Variants in SPATA13 observed in about 807,000 individuals in gnomAD.
The protein encoded by SPATA13 is spermatogenesis-associated protein 13.
Under a neutral mutation model 104.0 loss-of-function variants are expected in SPATA13, and 50 were observed. The ratio of observed to expected loss-of-function variants is 0.48; its 90% CI spans 0.38 to 0.61. SPATA13 has a LOEUF of 0.61. Among genes scored for constraint, SPATA13 ranks in the 20% least tolerant of loss-of-function variants. SPATA13 has a pLI of 0.00. For missense variants in SPATA13, 1,524 were observed against 1,690.6 expected (o/e 0.90, Z 1.73); for synonymous variants, 606 against 667.5 (o/e 0.91, Z 1.42).
chr13:24,032,835 C>T (rs947718652), intron 3 of SPATA13, among the ~76,000 whole-genome samples: 1 of 152,180 alleles, frequency 6.6e-6, no homozygotes, highest in Admixed American at 6.5e-5. Context: ...TTTATTCTTA[C>T]AGTTCAGTTT....
rs375204400 is a variant in SPATA13, at chr13:24,071,734, AG to A, written c.-112+54036del. Among the ~76,000 whole-genome samples, 12 of 152,310 alleles carry A rather than the reference AG, an allele frequency of 7.9e-5. No homozygotes were observed. The East Asian group carries it at 1.5e-3, about 20-fold the overall frequency. ...AACATTTTTCATTGTATTCTAAGTA[AG>A]GGCATTTAGTGAGGAGGAGGCTCTT... On this transcript the variant is annotated intron_variant, in intron 3 of 14. Coordinates refer to the SPATA13 transcript ENST00000424834.
At chr13:24,280,163 C>T (rs1352290776) in intron 4 of SPATA13, among the ~76,000 whole-genome samples, 1 of 152,150 alleles carries the variant, frequency 6.6e-6, no homozygotes, top group East Asian at 1.9e-4. Flanking sequence ...AGGTGCGTAC[C>T]ACGACCCCGG....
chr13:24,047,485 T>C (rs977591435), intron 3 of SPATA13, among the ~76,000 whole-genome samples: 1 of 152,246 alleles, frequency 6.6e-6, no homozygotes, highest in African/African-American at 2.4e-5. Flanking sequence ...TTACCGTCTT[T>C]GTTTTAAAGT....
intron 1 of SPATA13, among the ~76,000 whole-genome samples, chr13:24,188,119 T>C (rs1356285311): frequency 2.6e-5 from 4 of 151,620 alleles, no homozygotes; most frequent in African/African-American, 9.8e-5. Flanking sequence ...GGCGGGCAGA[T>C]TGCCTGAGCT....
chr13:24,079,236 G>A (rs1879429091), intron 3 of SPATA13, among the ~76,000 whole-genome samples: 1 of 152,224 alleles, frequency 6.6e-6, no homozygotes, highest in Non-Finnish European at 1.5e-5. Flanking sequence ...GTGTGAAGTA[G>A]AACTGGAGAT....
chr13:24,019,279 G>C (rs1566074562), intron 3 of SPATA13, among the ~76,000 whole-genome samples: 1 of 151,392 alleles, frequency 6.6e-6, no homozygotes. Flanking sequence ...TAGTAGAGAC[G>C]GGGTTTCACC....
Position 24,305,110 on chromosome 13 carries a change from T to C in SPATA13, c.*2337T>C, listed in dbSNP as rs1877491823. ...TCATTTGCTTGTGTTACATTTTCAG[T>C]GAGGATTCAGTTTAAGAGTCATTCT... On this transcript the variant is annotated 3_prime_UTR_variant, in exon 13 of 13. Transcript: ENST00000382108. 1 of 152,240 alleles carries C rather than the reference T, an allele frequency of 6.6e-6. No homozygotes were observed. Among genetic ancestry groups the C allele is most frequent in the Non-Finnish European group, 1.5e-5 (1 of 68,042 alleles). The allele number at this position is 152,240 out of a possible 1,614,324, so 9.4% of individuals were successfully genotyped here.
Position 24,294,800 on chromosome 13 carries a change from G to A in SPATA13, c.3142G>A (p.Glu1048Lys). ...AMKNVACLIN[E>K]RKRKLESIDK... ...GAAGAATGTGGCCTGTCTGATCAAC[G>A]AGCGCAAGCGCAAGCTGGAGAGCAT... is the stretch of plus-strand genomic sequence containing the variant. Residue 1048 changes from glutamate (E) to lysine (K), a missense_variant, in exon 10 of 13, where the codon GAG (glutamate) becomes AAG (lysine). Transcript: ENST00000382108. 1.9e-6 allele frequency: 3 copies of A among 1,611,002 alleles called. No homozygotes were observed. The highest frequency in any genetic ancestry group is 1.7e-6 in the Non-Finnish European group (2 of 1,177,362).
intron 1 of SPATA13, among the ~76,000 whole-genome samples, chr13:24,208,532 T>C (rs990765207): frequency 6.6e-6 from 1 of 151,520 alleles, no homozygotes; most frequent in African/African-American, 2.4e-5. Context: ...TCACATTGGC[T>C]TTTCTCCAGT....
chr13:24,004,742 G>T (rs948720356), intron 2 of SPATA13, among the ~76,000 whole-genome samples: 3 of 152,154 alleles, frequency 2.0e-5, no homozygotes, highest in Non-Finnish European at 4.4e-5. Context: ...ATTATGTTCA[G>T]TCACAGTATC....
At position 24,256,239 on chromosome 13, in the gene SPATA13, G is replaced by A. The variant is rs192681457; in HGVS notation, c.2164+4377G>A. On this transcript the variant is annotated intron_variant, in intron 4 of 12. Transcript: ENST00000382108. Reference sequence around the variant, plus strand: ...CTTGATAACCAAAGGTTGGTAAATGGATATAAAAATAGAGCTAGACAGGAA... The same window carrying A: ...CTTGATAACCAAAGGTTGGTAAATGAATATAAAAATAGAGCTAGACAGGAA... Among the ~76,000 whole-genome samples the A allele has an allele frequency of 3.1e-3, 476 of 152,248 alleles. 2 individuals carry two copies. The highest frequency in any genetic ancestry group is 0.02 in the South Asian group (97 of 4,822).
intron 3 of SPATA13, among the ~76,000 whole-genome samples, chr13:24,082,850 A>C (rs1222167335): frequency 5.3e-5 from 8 of 150,878 alleles, no homozygotes; most frequent in African/African-American, 1.7e-4. Flanking sequence ...AAAAAAAAAA[A>C]AAAATAAGAT....
At chr13:24,238,182 A>ACTCTTGCTCTATCTCCCAGC in intron 2 of SPATA13, among the ~76,000 whole-genome samples, 1 of 133,022 alleles carries the variant, frequency 7.5e-6, no homozygotes, top group Admixed American at 8.6e-5. Flanking sequence ...TATCTCCCAG[A>ACTCTTGCTCTATCTCCCAGC]CTCTTGCTCT....
intron 3 of SPATA13, among the ~76,000 whole-genome samples, chr13:24,131,498 A>G (rs1029266213): frequency 1.3e-5 from 2 of 152,194 alleles, no homozygotes; most frequent in African/African-American, 4.8e-5. Flanking sequence ...AAATCAAGAC[A>G]AGTCAGATAA....
At chr13:24,230,371 C>T (rs1445548210) in intron 2 of SPATA13, among the ~76,000 whole-genome samples, 3 of 152,094 alleles carry the variant, frequency 2.0e-5, no homozygotes, top group Admixed American at 6.5e-5. Flanking sequence ...CAGTAAGTGC[C>T]GCAGGAGCCC....
chr13:24,123,562 C>T, intron 3 of SPATA13: 18 of 1,611,144 alleles, frequency 1.1e-5, no homozygotes, highest in Non-Finnish European at 1.5e-5. Flanking sequence ...TAACAAAATC[C>T]TATAGTCTTT....
intron 3 of SPATA13, among the ~76,000 whole-genome samples, chr13:24,155,553 G>A (rs1165346380): frequency 1.3e-5 from 2 of 152,166 alleles, no homozygotes; most frequent in Admixed American, 6.5e-5. Flanking sequence ...TGGAGTGGAA[G>A]CTTACAGGGC....
At chr13:24,298,370 G>T (rs1319080533) in intron 11 of SPATA13, among the ~76,000 whole-genome samples, 1 of 152,190 alleles carries the variant, frequency 6.6e-6, no homozygotes, top group Admixed American at 6.5e-5. Flanking sequence ...GTCCATTGCA[G>T]TTAAGGCGAT....
chr13:24,238,924 C>T (rs938660507), intron 2 of SPATA13, among the ~76,000 whole-genome samples: 5 of 152,184 alleles, frequency 3.3e-5, no homozygotes, highest in Admixed American at 1.3e-4. Flanking sequence ...GTGCTCCTTG[C>T]GATCTTGCCT....
Sources: allele counts gnomAD v4.1 joint callset (sites outside exome capture counted in the v4.1 genomes callset), GRCh38; gene constraint gnomAD v4.1.1; transcripts MANE v1.5; gene names NCBI Gene and HGNC (gene_info 2026-07-23, HGNC 2026-07-21).